PLBD2: variants seen among roughly 807,000 people sequenced by gnomAD.
The protein encoded by PLBD2 is phospholipase B domain containing 2.
In PLBD2, 51 loss-of-function variants were observed where a neutral mutation model predicts 68.3. The observed-to-expected ratio is 0.75, with a 90% CI of 0.60 to 0.94. The LOEUF is 0.94. Among genes scored for constraint, PLBD2 ranks in the 40% least tolerant of loss-of-function variants. PLBD2 has a pLI of 0.00. For missense variants in PLBD2, 729 were observed against 792.2 expected (o/e 0.92, Z 0.96); for synonymous variants, 314 against 339.3 (o/e 0.93, Z 0.82).
chr12:113,374,101 AGAT>A (rs1169014401), intron 3 of PLBD2, among the ~76,000 whole-genome samples: 1 of 152,146 alleles, frequency 6.6e-6, no homozygotes, highest in African/African-American at 2.4e-5. Flanking sequence ...GGGAGAAGTC[AGAT>A]GCATGAGACA....
chr12:113,385,072 G>A, intron 8 of PLBD2, 126 bp downstream of exon 8: 2 of 1,284,706 alleles, frequency 1.6e-6, no homozygotes, highest in Non-Finnish European at 2.2e-6. Context: ...GGAAGAGAAG[G>A]TGTCCCTGGT....
chr12:113,362,088 G>A (rs1244464939), intron 1 of PLBD2, among the ~76,000 whole-genome samples: 1 of 152,188 alleles, frequency 6.6e-6, no homozygotes, highest in African/African-American at 2.4e-5. Context: ...GCTCATGCCT[G>A]TAATCCCAAT....
chr12:113,382,835 T>TTTTTTTGTGTGTGTGTGGG (rs1335785271), intron 6 of PLBD2, among the ~76,000 whole-genome samples: 1 of 106,536 alleles, frequency 9.4e-6, no homozygotes, highest in African/African-American at 3.8e-5. Flanking sequence ...TGGTGGTTTT[T>TTTTTTTGTGTGTGTGTGGG]TGTGTGTGTG....
intron 9 of PLBD2, 138 bp downstream of exon 9, chr12:113,385,421 C>A (rs1423277706): frequency 8.8e-6 from 7 of 794,912 alleles, no homozygotes; most frequent in Non-Finnish European, 1.4e-5. Flanking sequence ...CCAGGAGAGC[C>A]CAGACAGTTT....
chr12:113,381,883 G>A (rs1411765993), intron 6 of PLBD2, among the ~76,000 whole-genome samples: 1 of 152,110 alleles, frequency 6.6e-6, no homozygotes, highest in Non-Finnish European at 1.5e-5. Flanking sequence ...ATGCAGTGGT[G>A]TGATCGTGGC....
At chr12:113,386,515 G>C (rs996599709) in intron 9 of PLBD2, among the ~76,000 whole-genome samples, 1 of 148,572 alleles carries the variant, frequency 6.7e-6, no homozygotes, top group Non-Finnish European at 1.5e-5. Flanking sequence ...CACCACGCCG[G>C]CTAATTTTTT....
In PLBD2 at chr12:113,388,684, G is replaced by A. The variant is rs558039556; in HGVS notation, c.*58G>A. 6.8e-5 allele frequency: 102 copies of A among 1,489,680 alleles called. No individual in the cohort carries two copies. The African/African-American group carries it at 9.8e-4, about 14-fold the overall frequency. 92.3% of individuals were successfully genotyped at this position (1,489,680 alleles called of 1,614,324 possible). A position where few individuals can be genotyped will look rare whatever the true frequency, so the allele number is the denominator to read the frequency against. On this transcript the variant is annotated 3_prime_UTR_variant, in exon 12 of 12. Transcript: ENST00000280800. ...GCTGACCCTCGTCAGGGTCACCCCCGTCCCAAGGCCACCGGACTTCTAACT... is the reference window on the plus strand; with the variant it reads ...GCTGACCCTCGTCAGGGTCACCCCCATCCCAAGGCCACCGGACTTCTAACT...
At chr12:113,361,275 G>C (rs1440272337) in intron 1 of PLBD2, among the ~76,000 whole-genome samples, 1 of 149,074 alleles carries the variant, frequency 6.7e-6, no homozygotes, top group Non-Finnish European at 1.5e-5. Flanking sequence ...GGATTATCAG[G>C]ATAAATTCTC....
intron 1 of PLBD2, among the ~76,000 whole-genome samples, chr12:113,365,076 C>T (rs1437569863): frequency 6.6e-6 from 1 of 152,112 alleles, no homozygotes; most frequent in African/African-American, 2.4e-5. Flanking sequence ...GAATAATTAG[C>T]CCGAAGTTCA....
intron 1 of PLBD2, among the ~76,000 whole-genome samples, chr12:113,363,639 G>A (rs1181107928): frequency 6.7e-6 from 1 of 148,180 alleles, no homozygotes. Context: ...CCGGGTTCAC[G>A]CCATTCTCCT....
At chr12:113,382,755 A>C (rs7971074) in intron 6 of PLBD2, among the ~76,000 whole-genome samples, 4,183 of 151,940 alleles carry the variant, frequency 0.028, 186 homozygotes, top group African/African-American at 0.095. Flanking sequence ...AAGAGAAAAA[A>C]GAAAAAATCA....
At chr12:113,380,936 C>T in intron 6 of PLBD2, 94 bp downstream of exon 6, 1 of 1,225,474 alleles carries the variant, frequency 8.2e-7, no homozygotes, top group South Asian at 1.3e-5. Context: ...AAGTGGGGAC[C>T]AGGCTGCAGC....
intron 1 of PLBD2, 27 bp from the exon 2 acceptor site, chr12:113,369,089 A>T (rs920182771): frequency 1.3e-6 from 2 of 1,534,786 alleles, no homozygotes; most frequent in Non-Finnish European, 1.8e-6. Flanking sequence ...TCTGCTGCTG[A>T]CTGAGTGTCC....
In PLBD2 at chr12:113,358,799, G is replaced by A. The variant is rs1223595118; in HGVS notation, c.199G>A (p.Asp67Asn). The change falls in exon 1 of 12, where the codon GAC becomes AAC. Residue 67 changes from aspartate (D) to asparagine (N), a missense_variant. Asp to Asn is a conservative substitution (Grantham distance 23, BLOSUM62 1). Transcript: ENST00000280800. ...PASRSRSVLL[D>N]VSAGQLLMVD... ...CTCCCGCAGCCGCTCGGTGCTCCTGGACGTCTCGGCGGGCCAGCTGCTTAT... is the reference window on the plus strand; with the variant it reads ...CTCCCGCAGCCGCTCGGTGCTCCTGAACGTCTCGGCGGGCCAGCTGCTTAT... 1 of 1,489,474 alleles carries A rather than the reference G, an allele frequency of 6.7e-7. No homozygotes were observed. 92.3% of individuals were successfully genotyped at this position (1,489,474 alleles called of 1,614,324 possible). A position where few individuals can be genotyped will look rare whatever the true frequency, so the allele number is the denominator to read the frequency against.
At position 113,388,629 on chromosome 12, in the gene PLBD2, T is replaced by C; in HGVS notation, c.*3T>C. The C allele has an allele frequency of 6.3e-7, 1 of 1,577,320 alleles. No individual in the cohort carries two copies. Among genetic ancestry groups the C allele is most frequent in the South Asian group, 1.1e-5 (1 of 87,448 alleles). On this transcript the variant is annotated 3_prime_UTR_variant, in exon 12 of 12. Coordinates refer to ENST00000280800, the MANE Select transcript of PLBD2 (RefSeq NM_173542.4). ...CTGTCAAGGTTTCATGGGACTGAAGTTCTGTCCCTGCTCTGCTGCTTTCGC... is the reference window on the plus strand; with the variant it reads ...CTGTCAAGGTTTCATGGGACTGAAGCTCTGTCCCTGCTCTGCTGCTTTCGC...
rs12825284 is a variant in PLBD2, at chr12:113,358,594, T to G, written c.-7T>G. On this transcript the variant is annotated 5_prime_UTR_variant, in exon 1 of 12. Transcript: ENST00000280800. The stretch of plus-strand genomic sequence containing the variant: ...ACCCGGGCTGCGGGGCGCAGCATTG[T>G]GCGGTCATGGTGGGCCAGATGTACT... 2 of 1,466,670 alleles carry G rather than the reference T, an allele frequency of 1.4e-6. No individual in the cohort carries two copies. The highest frequency in any genetic ancestry group is 1.3e-5 in the South Asian group (1 of 75,586). The allele number at this position is 1,466,670 out of a possible 1,614,324, so 90.9% of individuals were successfully genotyped here.
At position 113,372,750 on chromosome 12, in the gene PLBD2, C is replaced by A. The variant is rs1483028587; in HGVS notation, c.486C>A (p.Asn162Lys). Residue 162 changes from asparagine (N) to lysine (K), a missense_variant, in exon 3 of 12, where the codon AAC (asparagine) becomes AAA (lysine). By Grantham distance (94) the Asn-to-Lys change is moderately conservative. Transcript: ENST00000280800. The surrounding 1 kb of genome is among the most constrained non-coding windows in gnomAD (Gnocchi z 4.2). ...GGCTGAAGAGCTTCCTGGAGGCCAA[C>A]CTAGAGTGGATGCAGGAAGAGATGG... ...CERLKSFLEANLEWMQEEMES... is the reference protein window; with the variant it reads ...CERLKSFLEAKLEWMQEEMES... The A allele has an allele frequency of 6.2e-7, 1 of 1,614,086 alleles. No homozygotes were observed. The highest frequency in any genetic ancestry group is 8.5e-7 in the Non-Finnish European group (1 of 1,180,032).
chr12:113,384,914 G>C lies in PLBD2; in HGVS notation c.1182G>C (p.Gly394=), dbSNP rs781471058. ...TCATCCCGGGTGGGCCCAGCCCCGG[G>C]AGCCGGGTGCTTACCATCCTGGAGC... The part of the protein sequence containing the change: ...KAFIPGGPSP[G]SRVLTILEQI... The change falls in exon 8 of 12, where the codon GGG becomes GGC. Residue 394 remains glycine (G), a synonymous_variant. Transcript: ENST00000280800. This position sits in a 1 kb window ranked among gnomAD's most constrained non-coding sequence, Gnocchi z 4.2. 6.2e-7 allele frequency: 1 copy of C among 1,613,330 alleles called. No homozygotes were observed. Among genetic ancestry groups the C allele is most frequent in the African/African-American group, 1.3e-5 (1 of 75,040 alleles).
chr12:113,368,653 ACATGGGGGTGGGGATGG>A (rs1957361858), intron 1 of PLBD2, among the ~76,000 whole-genome samples: 1 of 152,166 alleles, frequency 6.6e-6, no homozygotes, highest in Non-Finnish European at 1.5e-5. Flanking sequence ...AAGGGCATGG[ACATGGGGGTGGGGATGG>A]CATGTGACAT....
Sources: gnomAD v4.1 joint callset for allele counts (sites outside exome capture counted in the v4.1 genomes callset) on GRCh38, gnomAD v4.1.1 for gene constraint, Gnocchi (gnomAD v3.1) non-coding constraint, MANE v1.5 for transcripts, NCBI Gene and HGNC (gene_info 2026-07-23, HGNC 2026-07-21) for gene names.